The following NECAP2 variants were observed in gnomAD, a reference collection of about 807,000 sequenced individuals.
NECAP2 encodes adaptin ear-binding coat-associated protein 2.
NECAP2 carries 38 observed loss-of-function variants against 37.8 expected under a neutral mutation model. The observed-to-expected ratio is 1.01, with a 90% confidence interval of 0.78 to 1.32. The LOEUF is 1.32. Ranked by LOEUF, NECAP2 falls within the 40% of genes most tolerant of loss-of-function variation. The pLI is 0.00. For synonymous variants in NECAP2, 121 were observed against 127.7 expected (o/e 0.95, Z 0.35); for missense variants, 316 against 334.5 (o/e 0.94, Z 0.43).
rs568760752 is a variant in NECAP2 at position 16,459,096 on chromosome 1, A to T, written c.*206A>T. Reference sequence around the variant, plus strand: ...CTGTTTCCTGGGATTCAAGTATGCAACCAGAACACAGGAGAAGAAAAGCTC... The same window carrying T: ...CTGTTTCCTGGGATTCAAGTATGCATCCAGAACACAGGAGAAGAAAAGCTC... On this transcript the variant is annotated 3_prime_UTR_variant, in exon 8 of 8. Coordinates refer to ENST00000337132, the MANE Select transcript of NECAP2 (RefSeq NM_018090.5). The T allele has an allele frequency of 8.4e-7, 1 of 1,193,398 alleles. No homozygotes were observed. Among genetic ancestry groups the T allele is most frequent in the Non-Finnish European group, 1.2e-6 (1 of 861,948 alleles). 73.9% of individuals were successfully genotyped at this position (1,193,398 alleles called of 1,614,324 possible). A position where few individuals can be genotyped will look rare whatever the true frequency, so the allele number is the denominator to read the frequency against.
At position 16,443,043 on chromosome 1, in the gene NECAP2, C is replaced by T. The variant is rs79519264; in HGVS notation, c.93-589C>T. On this transcript the variant is annotated intron_variant, in intron 1 of 7. Transcript: ENST00000337132. ...CTCCTTTTCTCTTCTGGTGATTGTT[C>T]CATGCTGTCTTTTTCTTTCAAGATA... Among the ~76,000 whole-genome samples, 40 of 152,244 alleles carry T rather than the reference C, an allele frequency of 2.6e-4. No homozygotes were observed. The East Asian group carries it at 6.7e-3, about 26-fold the overall frequency.
At chr1:16,451,632 G>A (rs1187746319) in intron 5 of NECAP2, 2 of 606,200 alleles carry the variant, frequency 3.3e-6, no homozygotes, top group Non-Finnish European at 5.9e-6. Context: ...GGGGGTGCTG[G>A]GTTTTAAAAT....
chr1:16,454,461 T>C (rs1251544865), intron 6 of NECAP2, among the ~76,000 whole-genome samples: 3 of 147,736 alleles, frequency 2.0e-5, no homozygotes, highest in East Asian at 2.0e-4. Flanking sequence ...GTTCAAGCAA[T>C]TCTCCTGCCT....
intron 1 of NECAP2, chr1:16,441,203 T>C: frequency 3.9e-6 from 1 of 256,272 alleles, no homozygotes; most frequent in Non-Finnish European, 7.6e-6. Flanking sequence ...TCGAAAAGCC[T>C]TAAGCGGGGA....
chr1:16,451,745 G>T lies in NECAP2; in HGVS notation c.490-93G>T, dbSNP rs955953421. The T allele has an allele frequency of 8.7e-5, 119 of 1,373,798 alleles. 2 individuals are homozygous for T. Among genetic ancestry groups the T allele is most frequent in the South Asian group, 5.2e-4 (43 of 81,930 alleles). 85.1% of individuals were successfully genotyped at this position (1,373,798 alleles called of 1,614,324 possible). A position where few individuals can be genotyped will look rare whatever the true frequency, so the allele number is the denominator to read the frequency against. ...TCTTTTGGTTACACAGATGTTGGGG[G>T]TCTGGGGTCACCTTGGCCCTCCTTG... On this transcript the variant is annotated intron_variant, in intron 5 of 7. Coordinates refer to ENST00000337132, the MANE Select transcript of NECAP2 (RefSeq NM_018090.5).
intron 5 of NECAP2, chr1:16,449,860 A>AGGTTG (rs1243156027): frequency 3.7e-4 from 79 of 212,668 alleles, no homozygotes; most frequent in African/African-American, 1.9e-3. Flanking sequence ...TCATAGGAAC[A>AGGTTG]GGTTGGGCTG....
At chr1:16,446,336 G>A (rs2086761701) in intron 2 of NECAP2, among the ~76,000 whole-genome samples, 1 of 152,236 alleles carries the variant, frequency 6.6e-6, no homozygotes, top group Non-Finnish European at 1.5e-5. Flanking sequence ...GGAGGCCAAG[G>A]TGGGAGGATC....
intron 1 of NECAP2, among the ~76,000 whole-genome samples, chr1:16,442,312 C>T (rs538524715): frequency 6.6e-6 from 1 of 152,114 alleles, no homozygotes; most frequent in Non-Finnish European, 1.5e-5. Context: ...GATTTGGTTC[C>T]TCTTGGTGCC....
At chr1:16,457,708 T>G (rs279020) in intron 7 of NECAP2, among the ~76,000 whole-genome samples, 5,512 of 97,998 alleles carry the variant, frequency 0.056, 338 homozygotes, top group African/African-American at 0.32. Context: ...AGTAATTCTG[T>G]TTTTTTTTTT....
At chr1:16,453,828 G>A (rs1280048037) in intron 6 of NECAP2, among the ~76,000 whole-genome samples, 1 of 152,064 alleles carries the variant, frequency 6.6e-6, no homozygotes, top group African/African-American at 2.4e-5. Context: ...TTAATATGGT[G>A]CACTTGCTGT....
chr1:16,450,414 C>G, intron 5 of NECAP2: 1 of 292,470 alleles, frequency 3.4e-6, no homozygotes, highest in Non-Finnish European at 6.7e-6. Flanking sequence ...AAATAACTGG[C>G]ACAGCTGTGC....
In NECAP2 at chr1:16,455,673, A is replaced by ATG. The variant is rs2086906138; in HGVS notation, c.668-143_668-142dup. On this transcript the variant is annotated intron_variant, in intron 6 of 7. Coordinates refer to ENST00000337132, the MANE Select transcript of NECAP2 (RefSeq NM_018090.5). ...TCAGGGTGTTTGGTTGCCCAAAAGCATGTCTGGTGTGGCTTTCCCAGCTAC... is the reference window on the plus strand; with the variant it reads ...TCAGGGTGTTTGGTTGCCCAAAAGCATGTGTCTGGTGTGGCTTTCCCAGCTAC... 5 of 651,958 alleles carry ATG rather than the reference A, an allele frequency of 7.7e-6. No individual in the cohort carries two copies. The Admixed American group carries it at 1.2e-4, about 16-fold the overall frequency. The allele number at this position is 651,958 out of a possible 1,614,324, so 40.4% of individuals were successfully genotyped here.
At chr1:16,452,579 C>A (rs2086861213) in intron 6 of NECAP2, among the ~76,000 whole-genome samples, 1 of 152,006 alleles carries the variant, frequency 6.6e-6, no homozygotes, top group Non-Finnish European at 1.5e-5. Context: ...ATAAGGTGTG[C>A]CAAGGTGAGT....
intron 2 of NECAP2, among the ~76,000 whole-genome samples, chr1:16,445,135 T>A (rs2086741647): frequency 6.6e-6 from 1 of 152,242 alleles, no homozygotes; most frequent in Non-Finnish European, 1.5e-5. Context: ...GCTGTGACTT[T>A]AACATGACTC....
intron 6 of NECAP2, among the ~76,000 whole-genome samples, chr1:16,452,605 T>G (rs1428280027): frequency 2.0e-5 from 3 of 151,926 alleles, no homozygotes; most frequent in Non-Finnish European, 4.4e-5. Context: ...GAAATGAGAT[T>G]TCGTTTGGAG....
intron 5 of NECAP2, 95 bp from the exon 6 acceptor site, chr1:16,451,740 TGGG>T (rs2086844925): frequency 3.1e-6 from 4 of 1,271,532 alleles, no homozygotes; most frequent in Middle Eastern, 2.0e-4. Context: ...ACACAGATGT[TGGG>T]GGTCTGGGGT....
At chr1:16,440,891 AACCCTTTCTCCGCC>A (rs1430379229) in intron 1 of NECAP2, 38 bp downstream of exon 1, 1 of 1,571,166 alleles carries the variant, frequency 6.4e-7, no homozygotes, top group Non-Finnish European at 8.8e-7. Flanking sequence ...GCTCCAATTT[AACCCTTTCTCCGCC>A]ACCCGGACAC....
chr1:16,445,077 G>T (rs949734622), intron 2 of NECAP2, among the ~76,000 whole-genome samples: 2 of 152,176 alleles, frequency 1.3e-5, no homozygotes, highest in Non-Finnish European at 2.9e-5. Context: ...GCCCACCTCG[G>T]CCTCCCAAAG....
intron 5 of NECAP2, chr1:16,451,500 A>C: frequency 2.7e-5 from 7 of 254,694 alleles, no homozygotes; most frequent in East Asian, 9.6e-5. Flanking sequence ...TTAAGCCAGC[A>C]GCGCGTGAAT....
Sources: gnomAD v4.1 joint callset for allele counts (sites outside exome capture counted in the v4.1 genomes callset) on GRCh38, gnomAD v4.1.1 for gene constraint, MANE v1.5 for transcripts, NCBI Gene and HGNC (gene_info 2026-07-23, HGNC 2026-07-21) for gene names.